The following PNKD variants were observed in gnomAD, a reference collection of about 807,000 sequenced individuals.
The protein encoded by PNKD is PNKD metallo-beta-lactamase domain containing.
A neutral mutation model predicts 45.3 loss-of-function variants in PNKD; 36 were observed. The observed-to-expected ratio is 0.80, with a 90% CI of 0.61 to 1.05. The LOEUF (loss-of-function observed/expected upper bound fraction) is 1.05, where lower values mean the gene tolerates loss of function less well. PNKD is among the 50% of genes least tolerant of loss of function. The pLI, the probability that PNKD is intolerant of heterozygous loss-of-function variation, is 0.00. For missense variants in PNKD, 511 were observed against 506.6 expected (o/e 1.01, Z -0.08); for synonymous variants, 197 against 210.1 (o/e 0.94, Z 0.54).
chr2:218,332,587 A>G (rs989087777), intron 2 of PNKD, among the ~76,000 whole-genome samples: 3 of 151,894 alleles, frequency 2.0e-5, no homozygotes, highest in Non-Finnish European at 4.4e-5. Flanking sequence ...GCTTTGCCCA[A>G]AGATCAAGAC....
intron 2 of PNKD, among the ~76,000 whole-genome samples, chr2:218,331,719 C>T (rs895652171): frequency 4.6e-5 from 7 of 152,180 alleles, no homozygotes; most frequent in Non-Finnish European, 7.3e-5. Context: ...CCATCCACCT[C>T]GGCCTCCCAA....
chr2:218,289,369 C>T (rs948637950), intron 2 of PNKD, among the ~76,000 whole-genome samples: 1 of 152,078 alleles, frequency 6.6e-6, no homozygotes, highest in East Asian at 1.9e-4. Flanking sequence ...TGGCCAGGCG[C>T]GGTGGCTCAT....
chr2:218,315,012 T>TTTTCTTTCTTTCTTTC (rs1693739490), intron 2 of PNKD, among the ~76,000 whole-genome samples: 5 of 4,052 alleles, frequency 1.2e-3, no homozygotes, highest in South Asian at 6.2e-3. Context: ...CTTTCTTTCT[T>TTTTCTTTCTTTCTTTC]TTTCTTTCTT....
chr2:218,341,820 G>A, intron 6 of PNKD, 161 bp from the exon 7 acceptor site: 3 of 770,408 alleles, frequency 3.9e-6, no homozygotes, highest in Non-Finnish European at 6.8e-6. Context: ...AAAGAGGAAA[G>A]GGGGAGGGTT....
intron 2 of PNKD, among the ~76,000 whole-genome samples, chr2:218,296,095 G>A (rs1693134081): frequency 6.6e-6 from 1 of 152,034 alleles, no homozygotes; most frequent in Non-Finnish European, 1.5e-5. Flanking sequence ...CAATCCATCC[G>A]CCTCACCCTC....
intron 2 of PNKD, among the ~76,000 whole-genome samples, chr2:218,338,450 G>T (rs1207834804): frequency 7.5e-6 from 1 of 134,090 alleles, no homozygotes; most frequent in Admixed American, 7.9e-5. Flanking sequence ...AACAGAGCGA[G>T]ACTCTGTCTC....
chr2:218,278,449 C>A (rs1323778376), intron 2 of PNKD: 4 of 1,523,154 alleles, frequency 2.6e-6, no homozygotes. Context: ...TCCTTCTTTC[C>A]AAAATACTCG....
At position 218,340,892 on chromosome 2, in the gene PNKD, C is replaced by CCG; in HGVS notation, c.524+107_524+108dup. ...CCAGAGATCAAGAAGTCAGTACGGG[C>CCG]CGGCACCCGCCTTCCTCGTGAAGTC... On this transcript the variant is annotated intron_variant, in intron 5 of 9. Coordinates refer to ENST00000273077, the MANE Select transcript of PNKD (RefSeq NM_015488.5). The surrounding 1 kb of genome is among the most constrained non-coding windows in gnomAD (Gnocchi z 4.2). The CCG allele has an allele frequency of 1.1e-6, 1 of 892,304 alleles. No homozygotes were observed. Among genetic ancestry groups the CCG allele is most frequent in the Non-Finnish European group, 1.9e-6 (1 of 527,730 alleles). The allele number at this position is 892,304 out of a possible 1,614,324, so 55.3% of individuals were successfully genotyped here. A position where few individuals can be genotyped will look rare whatever the true frequency, so the allele number is the denominator to read the frequency against.
chr2:218,279,141 C>G, intron 2 of PNKD: 1 of 1,610,720 alleles, frequency 6.2e-7, no homozygotes, highest in Non-Finnish European at 8.5e-7. Context: ...TTGTCTGCCC[C>G]ACCCAGGCCA....
Position 218,340,111 on chromosome 2 carries a change from T to C in PNKD, c.435T>C (p.Ala145=), listed in dbSNP as rs918759116. The C allele has an allele frequency of 5.0e-6, 8 of 1,613,464 alleles. No homozygotes were observed. The African/African-American group carries it at 1.1e-4, about 22-fold the overall frequency. Reference sequence around the variant, plus strand: ...ACACCCAGGCCCAGCTGGCTGTGGCTGTGGACCCTTCAGACCCTCGGGCTG... The same window carrying C: ...ACACCCAGGCCCAGCTGGCTGTGGCCGTGGACCCTTCAGACCCTCGGGCTG... ...IIDTQAQLAV[A]VDPSDPRAVQ... is the part of the protein sequence containing the mutation. Residue 145 remains alanine (A), a synonymous_variant, in exon 4 of 10, where the codon GCT becomes GCC. Transcript: ENST00000273077. The surrounding 1 kb of genome is among the most constrained non-coding windows in gnomAD (Gnocchi z 4.2).
chr2:218,287,687 G>A (rs536256843), intron 2 of PNKD, among the ~76,000 whole-genome samples: 4 of 152,082 alleles, frequency 2.6e-5, no homozygotes, highest in African/African-American at 9.7e-5. Flanking sequence ...TCCAGCCTGG[G>A]CAACAAGAGT....
At chr2:218,285,515 A>G (rs7559428) in intron 2 of PNKD, among the ~76,000 whole-genome samples, 54,404 of 151,982 alleles carry the variant, frequency 0.36, 10,067 homozygotes, top group Middle Eastern at 0.5. Context: ...CAACGGCCCC[A>G]GGAGAAGAGG....
intron 2 of PNKD, chr2:218,323,097 C>T: frequency 8.7e-7 from 1 of 1,144,062 alleles, no homozygotes. Context: ...GGGGTGCTTG[C>T]CCGGCTGGAG....
chr2:218,336,025 G>C (rs1470651946), intron 2 of PNKD, among the ~76,000 whole-genome samples: 1 of 151,718 alleles, frequency 6.6e-6, no homozygotes, highest in African/African-American at 2.4e-5. Flanking sequence ...GACCATCTTG[G>C]CCAACATGGT....
intron 2 of PNKD, among the ~76,000 whole-genome samples, chr2:218,316,566 C>G (rs1168857733): frequency 6.6e-6 from 1 of 152,136 alleles, no homozygotes; most frequent in Non-Finnish European, 1.5e-5. Flanking sequence ...CCACTGTGCC[C>G]GGCCAGGAAG....
intron 2 of PNKD, chr2:218,278,985 C>G: frequency 6.2e-7 from 1 of 1,606,420 alleles, no homozygotes; most frequent in Non-Finnish European, 8.5e-7. Context: ...CACCTAGAAA[C>G]AGAAGCTGCC....
chr2:218,308,211 CAG>C (rs1693477348), intron 2 of PNKD, among the ~76,000 whole-genome samples: 1 of 128,392 alleles, frequency 7.8e-6, no homozygotes, highest in African/African-American at 3.0e-5. Flanking sequence ...TTTTTTGAGA[CAG>C]AGTCTCACTG....
At position 218,343,482 on chromosome 2, in the gene PNKD, C is replaced by T. The variant is rs748871917; in HGVS notation, c.782-18C>T. ...GTTATCCTGGCACCTTGTGACATACCCTCCAACCCCCACCCAGGGCGGACC... is the reference window on the plus strand; with the variant it reads ...GTTATCCTGGCACCTTGTGACATACTCTCCAACCCCCACCCAGGGCGGACC... On this transcript the variant is annotated intron_variant, in intron 7 of 9. Coordinates refer to ENST00000273077, the MANE Select transcript of PNKD (RefSeq NM_015488.5). The T allele has an allele frequency of 1.2e-6, 2 of 1,602,758 alleles. No individual in the cohort carries two copies. Among genetic ancestry groups the T allele is most frequent in the Non-Finnish European group, 1.7e-6 (2 of 1,171,164 alleles).
At chr2:218,333,238 C>T (rs765872494) in intron 2 of PNKD, among the ~76,000 whole-genome samples, 9 of 152,240 alleles carry the variant, frequency 5.9e-5, no homozygotes, top group Non-Finnish European at 1.2e-4. Context: ...GCTGTCTCCA[C>T]TGTGTCCATC....
Sources: allele counts gnomAD v4.1 joint callset (sites outside exome capture counted in the v4.1 genomes callset), GRCh38; gene constraint gnomAD v4.1.1; non-coding constraint Gnocchi (gnomAD v3.1); transcripts MANE v1.5; gene names NCBI Gene and HGNC (gene_info 2026-07-23, HGNC 2026-07-21).